Variants in ATAD3B observed in about 807,000 individuals in gnomAD.
The protein encoded by ATAD3B is ATPase family AAA domain containing 3B.
In ATAD3B, 59 loss-of-function variants were observed where a neutral mutation model predicts 70.2. The ratio of observed to expected loss-of-function variants is 0.84; its 90% confidence interval spans 0.68 to 1.04. The LOEUF is 1.04. Among genes scored for constraint, ATAD3B ranks in the 50% least tolerant of loss-of-function variants. ATAD3B has a pLI of 0.00. For missense variants in ATAD3B, 961 were observed against 913.4 expected, an observed-to-expected ratio of 1.05 and a Z score of -0.67; for synonymous variants, 423 against 388.6, an observed-to-expected ratio of 1.09 and a Z score of -1.04.
At position 1,477,293 on chromosome 1, in the gene ATAD3B, G is replaced by T; in HGVS notation, c.225G>T (p.Leu75=). Residue 75 remains leucine (L), a synonymous_variant, in exon 2 of 16, where the codon CTG becomes CTT. Transcript: ENST00000673477. ...LEHSRYAKEA[L]NLAQMQEQTL... ...CCGCAGGTTACGCCAAGGAGGCCCT[G>T]AATCTGGCGCAGATGCAGGAGCAGA... 6.2e-7 allele frequency: 1 copy of T among 1,612,438 alleles called. No homozygotes were observed. The highest frequency in any genetic ancestry group is 8.5e-7 in the Non-Finnish European group (1 of 1,179,684).
intron 1 of ATAD3B, among the ~76,000 whole-genome samples, chr1:1,473,064 C>T (rs1184794946): frequency 2.0e-5 from 3 of 149,190 alleles, no homozygotes; most frequent in African/African-American, 7.4e-5. Context: ...ACCTCGTGAT[C>T]CGCCCGCCTT....
At chr1:1,483,056 AGGCGGAGGTG>A (rs1445187077) in intron 7 of ATAD3B, 1 of 455,454 alleles carries the variant, frequency 2.2e-6, no homozygotes, top group South Asian at 1.6e-5. Flanking sequence ...GCATTTTCGG[AGGCGGAGGTG>A]GGCGGATCAC....
intron 7 of ATAD3B, 197 bp downstream of exon 7, chr1:1,482,811 C>G (rs1438830139): frequency 3.5e-5 from 28 of 795,202 alleles, no homozygotes; most frequent in Non-Finnish European, 5.5e-5. Flanking sequence ...AGTTGCCAGC[C>G]TGGGCCACAC....
downstream of ATAD3B, among the ~76,000 whole-genome samples, chr1:1,501,910 C>T (rs930842017): frequency 1.3e-5 from 2 of 151,752 alleles, no homozygotes; most frequent in African/African-American, 4.8e-5. Context: ...GATGGAGTCT[C>T]ACTCGTCGCC....
rs572350643 is a variant in ATAD3B at position 1,489,863 on chromosome 1, G to A, written c.1338-394G>A. On this transcript the variant is annotated intron_variant, in intron 13 of 15. Transcript: ENST00000673477. ...GCCCTGCTGAGCCTCTGCTGAACCC[G>A]GGCCCCCGAGGTCCTGCTTCTGGCT... is the stretch of plus-strand genomic sequence containing the variant. The A allele has an allele frequency of 3.6e-3, 4,442 of 1,217,544 alleles. 67 individuals carry two copies. Among genetic ancestry groups the A allele is most frequent in the Non-Finnish European group, 4.3e-3 (4,055 of 953,614 alleles). The allele number at this position is 1,217,544 out of a possible 1,614,324, so 75.4% of individuals were successfully genotyped here.
At position 1,485,813 on chromosome 1, in the gene ATAD3B, A is replaced by T. The variant is rs548725739; in HGVS notation, c.938A>T (p.Asp313Val). ...CGGCGGCTCCTCAGTCGACCCCAGG[A>T]CGTGCTGGAGGGTGTTGTGCTTAGT... Reference protein sequence around the residue: ...VSRRLLSRPQDVLEGVVLSPS... With the variant: ...VSRRLLSRPQVVLEGVVLSPS... Residue 313 changes from aspartate (D) to valine (V), a missense_variant, in exon 9 of 16, where the codon GAC becomes GTC. Physicochemically the swap from Asp to Val is radical, Grantham distance 152. Around this residue, in one of 4 missense-constraint regions of ATAD3B, gnomAD observed 349 missense variants for 307.5 expected, o/e 1.14. Coordinates refer to ENST00000673477, the MANE Select transcript of ATAD3B (RefSeq NM_031921.6). The T allele has an allele frequency of 6.2e-7, 1 of 1,612,872 alleles. No homozygotes were observed. The highest frequency in any genetic ancestry group is 2.2e-5 in the East Asian group (1 of 44,844).
rs760231471 is a variant in ATAD3B at position 1,490,605 on chromosome 1, G to A, written c.1548G>A (p.Ser516=). The change falls in exon 15 of 16, where the codon TCG becomes TCA. Residue 516 remains serine (S), a synonymous_variant. Transcript: ENST00000673477. ...AGTTTGACTACGGGAGGAAGTGCTC[G>A]GAGGTCGCTCGGCTGACGGAGGGCA... ...LAQFDYGRKC[S]EVARLTEGMS... The A allele has an allele frequency of 3.4e-5, 55 of 1,608,900 alleles. 4 individuals carry two copies. The highest frequency in any genetic ancestry group is 4.7e-5 in the Non-Finnish European group (55 of 1,178,268).
rs1640801987 is a variant in ATAD3B, at chr1:1,496,500, A to T, written c.*683A>T. The T allele has an allele frequency of 6.6e-6, 1 of 152,400 alleles. No homozygotes were observed. Among genetic ancestry groups the T allele is most frequent in the African/African-American group, 2.4e-5 (1 of 41,288 alleles). The allele number at this position is 152,400 out of a possible 1,614,324, so 9.4% of individuals were successfully genotyped here. On this transcript the variant is annotated 3_prime_UTR_variant, in exon 16 of 16. Coordinates refer to ENST00000673477, the MANE Select transcript of ATAD3B (RefSeq NM_031921.6). ...GTGACTTCATGACCACACTGCGCCCAGGTGTAAGAGGGCACGCTTCTGCCC... is the reference window on the plus strand; with the variant it reads ...GTGACTTCATGACCACACTGCGCCCTGGTGTAAGAGGGCACGCTTCTGCCC...
In ATAD3B at chr1:1,480,774, T is replaced by C. The variant is rs1347347091; in HGVS notation, c.445-93T>C. The C allele has an allele frequency of 7.7e-6, 12 of 1,568,598 alleles. 2 individuals carry two copies. The highest frequency in any genetic ancestry group is 2.3e-5 in the South Asian group (2 of 87,528). ...CCCAGGTGCCCAGGACGCTTGGAGT[T>C]CTGTGGTCCTGGGGCGGACGCAACC... On this transcript the variant is annotated intron_variant, in intron 4 of 15. Transcript: ENST00000673477.
downstream of ATAD3B, among the ~76,000 whole-genome samples, chr1:1,500,569 T>A (rs908299540): frequency 6.8e-6 from 1 of 147,948 alleles, no homozygotes; most frequent in African/African-American, 2.5e-5. Flanking sequence ...AAAAAAAAAA[T>A]TATCCTGTGC....
At chr1:1,502,177 C>CTAG (rs1640959194), downstream of ATAD3B, among the ~76,000 whole-genome samples, 1 of 150,898 alleles carries the variant, frequency 6.6e-6, no homozygotes, top group Non-Finnish European at 1.5e-5. Context: ...CCGCTGGCCT[C>CTAG]TAGTATAGGT....
intron 15 of ATAD3B, among the ~76,000 whole-genome samples, chr1:1,493,923 G>A (rs1640653092): frequency 6.6e-6 from 1 of 151,860 alleles, no homozygotes; most frequent in Non-Finnish European, 1.5e-5. Context: ...TGAGGGTAAT[G>A]CTGGCTTCCT....
Position 1,487,462 on chromosome 1 carries a change from T to C in ATAD3B, c.1215-401T>C, listed in dbSNP as rs567757316. On this transcript the variant is annotated intron_variant, in intron 11 of 15. Coordinates refer to ENST00000673477, the MANE Select transcript of ATAD3B (RefSeq NM_031921.6). The stretch of plus-strand genomic sequence containing the variant: ...GAGATTGCGCCACTGCACTCCAGCC[T>C]GGGAGACAGAGCGAGACTCTGTCTC... 9.4e-4 allele frequency among the ~76,000 whole-genome samples: 136 copies of C among 145,014 alleles called. 1 individual carries two copies. The highest frequency in any genetic ancestry group is 3.3e-3 in the African/African-American group (129 of 39,086).
rs143500624 is a variant in ATAD3B at position 1,482,886 on chromosome 1, T to C, written c.750+272T>C. ...GGTGTGATGGTGGCGCCTGTGGTCCTGCTACTCGAGAGGCTGAGGTAGGAG... is the reference window on the plus strand; with the variant it reads ...GGTGTGATGGTGGCGCCTGTGGTCCCGCTACTCGAGAGGCTGAGGTAGGAG... On this transcript the variant is annotated intron_variant, in intron 7 of 15. Coordinates refer to ENST00000673477, the MANE Select transcript of ATAD3B (RefSeq NM_031921.6). Among the ~76,000 whole-genome samples the C allele has an allele frequency of 4.5e-3, 690 of 151,968 alleles. 12 individuals carry two copies. Among genetic ancestry groups the C allele is most frequent in the Non-Finnish European group, 6.2e-3 (422 of 67,922 alleles).
intron 15 of ATAD3B, among the ~76,000 whole-genome samples, chr1:1,494,433 G>A (rs533152916): frequency 1.3e-5 from 2 of 150,022 alleles, no homozygotes; most frequent in Middle Eastern, 3.8e-3. Flanking sequence ...CAGTGGCGGT[G>A]CGGCTCCGGT....
the ATAD3B span, among the ~76,000 whole-genome samples, chr1:1,505,889 T>G: frequency 6.6e-6 from 1 of 152,220 alleles, no homozygotes; most frequent in Non-Finnish European, 1.5e-5. Context: ...ATTTTATATA[T>G]TTTATTACAC....
chr1:1,506,886 C>T, the ATAD3B span, among the ~76,000 whole-genome samples: 3 of 149,480 alleles, frequency 2.0e-5, 1 homozygote, highest in Non-Finnish European at 3.0e-5. Context: ...CTCTTGGGTT[C>T]ACGCCATTCT....
chr1:1,504,666 A>C, the ATAD3B span, among the ~76,000 whole-genome samples: 2 of 151,318 alleles, frequency 1.3e-5, no homozygotes, highest in African/African-American at 2.4e-5. Context: ...CAAAAAAAAA[A>C]AGAGAGAACA....
chr1:1,495,834 G>T lies in ATAD3B; in HGVS notation c.*17G>T. 1 of 1,532,246 alleles carries T rather than the reference G, an allele frequency of 6.5e-7. No homozygotes were observed. The allele number at this position is 1,532,246 out of a possible 1,614,324, so 94.9% of individuals were successfully genotyped here. A position where few individuals can be genotyped will look rare whatever the true frequency, so the allele number is the denominator to read the frequency against. On this transcript the variant is annotated 3_prime_UTR_variant, in exon 16 of 16. Transcript: ENST00000673477. ...CTGTTGTAGGCACTGGCTAGGGAGG[G>T]GCAGGCCTCCTTCCTGCCCCTCGAG...
Sources: allele counts gnomAD v4.1 joint callset (sites outside exome capture counted in the v4.1 genomes callset), GRCh38; gene constraint gnomAD v4.1.1; regional missense constraint gnomAD v4.1.1; transcripts MANE v1.5; gene names NCBI Gene and HGNC (gene_info 2026-07-23, HGNC 2026-07-21).